Variants in FAN1 observed in about 807,000 individuals in gnomAD.
FAN1 encodes the protein FANCD2 and FANCI associated nuclease 1, also known as fanconi-associated nuclease 1.
In FAN1, 91 loss-of-function variants were observed where a neutral mutation model predicts 104.9. The ratio of observed to expected loss-of-function variants is 0.87; its 90% confidence interval spans 0.73 to 1.03. The LOEUF (loss-of-function observed/expected upper bound fraction) is 1.03, where lower values mean the gene tolerates loss of function less well. FAN1 is among the 50% of genes least tolerant of loss of function. The probability of loss-of-function intolerance (pLI) is 0.00; values close to 1 mark genes in which losing one functional copy is unlikely to be tolerated. For synonymous variants in FAN1, 478 were observed against 457.6 expected (o/e 1.04, Z -0.57); for missense variants, 1,263 against 1,239.9 (o/e 1.02, Z -0.28).
intron 14 of FAN1, chr15:30,941,257 TAATGACAGAAA>T: frequency 6.8e-7 from 1 of 1,463,816 alleles, no homozygotes; most frequent in Non-Finnish European, 9.1e-7. Context: ...GCCAGACCTG[TAATGACAGAAA>T]GAGGACAGGA....
rs1283564924 is a variant in FAN1 at position 30,914,093 on chromosome 15, T to C, written c.1811+2T>C. On this transcript the variant is annotated splice_donor_variant, in intron 5 of 14. Coordinates refer to ENST00000362065, the MANE Select transcript of FAN1 (RefSeq NM_014967.5). LOFTEE classifies it high-confidence loss of function. ...CCAAGACAGAGATGATCTTATCAGGTAAGATGATGTTAGCTCACTATAATG... is the reference window on the plus strand; with the variant it reads ...CCAAGACAGAGATGATCTTATCAGGCAAGATGATGTTAGCTCACTATAATG... The C allele has an allele frequency of 1.9e-6, 3 of 1,594,450 alleles. No homozygotes were observed. Among genetic ancestry groups the C allele is most frequent in the Non-Finnish European group, 2.6e-6 (3 of 1,162,406 alleles).
At position 30,942,282 on chromosome 15, in the gene FAN1, T is replaced by G. The variant is rs1595904383; in HGVS notation, c.*720T>G. ...GTTGACTCTACCTAGGCTGTTACTA[T>G]CAGCCTGAATGGGGGCGGGATGAGA... is the stretch of plus-strand genomic sequence containing the variant. On this transcript the variant is annotated 3_prime_UTR_variant, in exon 15 of 15. Coordinates refer to ENST00000362065, the MANE Select transcript of FAN1 (RefSeq NM_014967.5). 1.6e-6 allele frequency: 1 copy of G among 634,768 alleles called. No individual in the cohort carries two copies. Among genetic ancestry groups the G allele is most frequent in the Non-Finnish European group, 2.7e-6 (1 of 374,600 alleles). 39.3% of individuals were successfully genotyped at this position (634,768 alleles called of 1,614,324 possible).
At chr15:30,929,429 C>A in intron 12 of FAN1, 32 bp downstream of exon 12, 1 of 1,560,938 alleles carries the variant, frequency 6.4e-7, no homozygotes, top group Non-Finnish European at 8.7e-7. Context: ...AGGATTTGCT[C>A]AGAAAGTTAA....
In FAN1 at chr15:30,925,192, G is replaced by GT; in HGVS notation, c.2239dup (p.Tyr747LeufsTer14). On this transcript the variant is annotated frameshift_variant, in exon 9 of 15. Transcript: ENST00000362065. LOFTEE classifies it high-confidence loss of function. ...TCAGAACGGGACACCGCCTTTCACT[G>GT]TATCAGCGAGCCGTGCGCCTGCGAG... 3 of 1,614,028 alleles carry GT rather than the reference G, an allele frequency of 1.9e-6. No homozygotes were observed. Among genetic ancestry groups the GT allele is most frequent in the Non-Finnish European group, 1.7e-6 (2 of 1,179,980 alleles).
At chr15:30,919,444 AC>A (rs913699587) in intron 6 of FAN1, among the ~76,000 whole-genome samples, 1 of 151,372 alleles carries the variant, frequency 6.6e-6, no homozygotes, top group African/African-American at 2.4e-5. Context: ...TAATCCCAGC[AC>A]TTTGGGAGGC....
Position 30,913,849 on chromosome 15 carries a change from A to C in FAN1, c.1578-9A>C, listed in dbSNP as rs370522157. On this transcript the variant is annotated splice_polypyrimidine_tract_variant and intron_variant, in intron 4 of 14. Transcript: ENST00000362065. ...GCTAAAAGTTATTTCTACATTGTACATTTTTCAGAGCCAAAGCCTTGGCTG... is the reference window on the plus strand; with the variant it reads ...GCTAAAAGTTATTTCTACATTGTACCTTTTTCAGAGCCAAAGCCTTGGCTG... 1.3e-6 allele frequency: 2 copies of C among 1,578,174 alleles called. No individual in the cohort carries two copies. Among genetic ancestry groups the C allele is most frequent in the East Asian group, 4.5e-5 (2 of 44,582 alleles).
In FAN1 at chr15:30,919,119, G is replaced by A. The variant is rs1223628643; in HGVS notation, c.1943+824G>A. On this transcript the variant is annotated intron_variant, in intron 6 of 14. Coordinates refer to ENST00000362065, the MANE Select transcript of FAN1 (RefSeq NM_014967.5). The stretch of plus-strand genomic sequence containing the variant: ...TAAGGGGGCTGGTACGGTGGCTCAC[G>A]CCTGTAATCCCGGCACTTTGGGAGG... 3.9e-5 allele frequency among the ~76,000 whole-genome samples: 6 copies of A among 152,326 alleles called. No homozygotes were observed. In the East Asian group the frequency reaches 1.2e-3, roughly 29 times the overall value.
intron 10 of FAN1, chr15:30,928,051 A>G: frequency 2.0e-6 from 2 of 992,794 alleles, no homozygotes; most frequent in South Asian, 9.1e-5. Flanking sequence ...GATGAGGTGC[A>G]TCAGAGCAGC....
intron 5 of FAN1, among the ~76,000 whole-genome samples, chr15:30,916,179 T>G (rs2062195045): frequency 6.6e-6 from 1 of 152,226 alleles, no homozygotes; most frequent in African/African-American, 2.4e-5. Flanking sequence ...CTTTTTTACC[T>G]TTTTTGTTTT....
At chr15:30,930,180 T>C (rs2062670191) in intron 12 of FAN1, among the ~76,000 whole-genome samples, 1 of 151,660 alleles carries the variant, frequency 6.6e-6, no homozygotes, top group South Asian at 2.1e-4. Flanking sequence ...TTGCTTGCCC[T>C]GTGGCTGAGG....
At chr15:30,927,675 G>C in intron 10 of FAN1, 1 of 985,634 alleles carries the variant, frequency 1.0e-6, no homozygotes, top group Non-Finnish European at 1.2e-6. Flanking sequence ...ATGGGGGTCT[G>C]GTGGTCAGCA....
At position 30,904,562 on chromosome 15, in the gene FAN1, T is replaced by C; in HGVS notation, c.-102T>C. 8.7e-7 allele frequency: 1 copy of C among 1,148,420 alleles called. No individual in the cohort carries two copies. The highest frequency in any genetic ancestry group is 1.2e-5 in the South Asian group (1 of 81,138). 71.1% of individuals were successfully genotyped at this position (1,148,420 alleles called of 1,614,324 possible). ...ACATGAGGTCATATAGAATCCCACT[T>C]TTGGTGATTTCAAGTCAAGAAAGTA... On this transcript the variant is annotated 5_prime_UTR_variant, in exon 2 of 15. Transcript: ENST00000362065.
At chr15:30,939,850 T>G (rs1421149460) in intron 14 of FAN1, 2 of 985,210 alleles carry the variant, frequency 2.0e-6, no homozygotes, top group Non-Finnish European at 2.4e-6. Flanking sequence ...TAATTCTATT[T>G]GTATAAACTG....
chr15:30,907,337 G>A (rs2062003795), intron 2 of FAN1, among the ~76,000 whole-genome samples: 1 of 151,990 alleles, frequency 6.6e-6, no homozygotes, highest in Non-Finnish European at 1.5e-5. Context: ...GACCAACATG[G>A]TGAAACCCCG....
At chr15:30,911,122 GTAAAC>G in intron 4 of FAN1, 1 of 1,116,882 alleles carries the variant, frequency 9.0e-7, no homozygotes, top group African/African-American at 1.6e-5. Flanking sequence ...GGATTTTAAG[GTAAAC>G]TATTTAGTCA....
chr15:30,939,656 TA>T lies in FAN1; in HGVS notation c.*4-1906del, dbSNP rs1375340153. ...AACAACAATAAAATACTACAAGAGT[TA>T]AAATAAACGTGAAGGAAGAAAATTA... On this transcript the variant is annotated intron_variant, in intron 14 of 14. Coordinates refer to ENST00000362065, the MANE Select transcript of FAN1 (RefSeq NM_014967.5). The T allele has an allele frequency of 3.8e-6, 3 of 798,458 alleles. No individual in the cohort carries two copies. In the African/African-American group the frequency reaches 1.7e-4, roughly 44 times the overall value. 49.5% of individuals were successfully genotyped at this position (798,458 alleles called of 1,614,324 possible).
intron 14 of FAN1, chr15:30,939,813 T>G (rs865948528): frequency 2.1e-5 from 21 of 985,322 alleles, no homozygotes; most frequent in Middle Eastern, 5.2e-4. Flanking sequence ...GGGTCTGGTT[T>G]CTAATCAAGG....
chr15:30,931,091 A>C (rs1336353326), intron 13 of FAN1, among the ~76,000 whole-genome samples: 1 of 152,208 alleles, frequency 6.6e-6, no homozygotes, highest in Non-Finnish European at 1.5e-5. Flanking sequence ...CAAAGGATAA[A>C]TGCTTGAGGG....
Position 30,905,647 on chromosome 15 carries a change from T to G in FAN1, c.984T>G (p.Asp328Glu). The G allele has an allele frequency of 6.2e-7, 1 of 1,614,066 alleles. No homozygotes were observed. Among genetic ancestry groups the G allele is most frequent in the Admixed American group, 1.7e-5 (1 of 60,026 alleles). Residue 328 changes from aspartate (D) to glutamate (E), a missense_variant, in exon 2 of 15, where the codon GAT (aspartate) becomes GAG (glutamate). Asp to Glu is a conservative substitution (Grantham distance 45). Around this residue, in one of 2 missense-constraint regions of FAN1, gnomAD observed 682 missense variants for 571.1 expected, o/e 1.19. Transcript: ENST00000362065. The part of the protein sequence containing the change: ...DSEAKSHSSA[D>E]DASAWSNIQE... Reference sequence around the variant, plus strand: ...AGGCAAAATCTCATAGTTCTGCAGATGATGCTTCTGCATGGAGTAACATCC... The same window carrying G: ...AGGCAAAATCTCATAGTTCTGCAGAGGATGCTTCTGCATGGAGTAACATCC...
Sources: gnomAD v4.1 joint callset for allele counts (sites outside exome capture counted in the v4.1 genomes callset) on GRCh38, gnomAD v4.1.1 for gene constraint, gnomAD v4.1.1 regional missense constraint, MANE v1.5 for transcripts, NCBI Gene and HGNC (gene_info 2026-07-23, HGNC 2026-07-21) for gene names.